The following YME1L1 variants were observed in gnomAD, a reference collection of about 807,000 sequenced individuals.
YME1L1 encodes the protein YME1 like 1 ATPase.
In YME1L1, 39 loss-of-function variants were observed where a neutral mutation model predicts 90.4. That is an observed-to-expected ratio of 0.43 (90% CI 0.33 to 0.56). The LOEUF is 0.56. Among genes scored for constraint, YME1L1 ranks in the 20% least tolerant of loss-of-function variants. The pLI, the probability that YME1L1 is intolerant of heterozygous loss-of-function variation, is 0.03. For missense variants in YME1L1, 617 were observed against 868.4 expected, an observed-to-expected ratio of 0.71 and a Z score of 3.64; for synonymous variants, 284 against 287.3, an observed-to-expected ratio of 0.99 and a Z score of 0.12.
At chr10:27,149,729 A>G (rs1357335802) in intron 1 of YME1L1, among the ~76,000 whole-genome samples, 1 of 147,564 alleles carries the variant, frequency 6.8e-6, no homozygotes, top group African/African-American at 2.5e-5. Flanking sequence ...AAAAAAAAAA[A>G]AAAAAAAGAA....
At chr10:27,119,925 TA>T (rs1243165617) in intron 13 of YME1L1, among the ~76,000 whole-genome samples, 1 of 152,206 alleles carries the variant, frequency 6.6e-6, no homozygotes, top group East Asian at 1.9e-4. Context: ...GGAAATACTT[TA>T]GACATAAAAG....
At position 27,134,910 on chromosome 10, in the gene YME1L1, A is replaced by G. The variant is rs2057011689; in HGVS notation, c.612T>C (p.Pro204=). ...LDKLMKTKNI[P]EAHQDAFKTG... ...TTTTAAATGCATCTTGGTGAGCTTC[A>G]GGTATATTTTTGGTTTTCATGAGTT... The change falls in exon 6 of 19, where the codon CCT becomes CCC. Residue 204 remains proline, a synonymous_variant. Transcript: ENST00000376016. 3 of 1,613,986 alleles carry G rather than the reference A, an allele frequency of 1.9e-6. No individual in the cohort carries two copies. Among genetic ancestry groups the G allele is most frequent in the Middle Eastern group, 1.7e-4 (1 of 5,966 alleles).
intron 17 of YME1L1, among the ~76,000 whole-genome samples, chr10:27,115,325 T>TC (rs1291504608): frequency 2.1e-5 from 3 of 142,232 alleles, no homozygotes; most frequent in African/African-American, 5.0e-5. Context: ...TTTAAAATCT[T>TC]TTTTTTTTTT....
At chr10:27,113,257 A>T (rs1588579219) in intron 18 of YME1L1, among the ~76,000 whole-genome samples, 1 of 97,038 alleles carries the variant, frequency 1.0e-5, no homozygotes, top group African/African-American at 4.1e-5. Flanking sequence ...AAAAAAAAAA[A>T]AAAAAAGACC....
rs191316515 is a variant in YME1L1 at position 27,129,155 on chromosome 10, A to C, written c.859-2369T>G. On this transcript the variant is annotated intron_variant, in intron 8 of 18. Coordinates refer to ENST00000376016, the MANE Select transcript of YME1L1 (RefSeq NM_014263.4). ...AGTGTGATATATTCAGTAAGTATGT[A>C]AGTACATTACAGACAGAGAATAACA... The C allele has an allele frequency of 2.9e-3, 439 of 151,216 alleles. 2 individuals are homozygous for C. The highest frequency in any genetic ancestry group is 0.01 in the African/African-American group (417 of 41,214). The allele number at this position is 151,216 out of a possible 1,614,324, so 9.4% of individuals were successfully genotyped here. A position where few individuals can be genotyped will look rare whatever the true frequency, so the allele number is the denominator to read the frequency against.
intron 4 of YME1L1, among the ~76,000 whole-genome samples, chr10:27,137,660 C>T (rs1209045116): frequency 6.6e-6 from 1 of 152,042 alleles, no homozygotes; most frequent in Non-Finnish European, 1.5e-5. Flanking sequence ...AATAACAGTA[C>T]CTTGTTTTAC....
At chr10:27,145,857 CT>C (rs34273028) in intron 2 of YME1L1, 47,872 of 188,744 alleles carry the variant, frequency 0.25, 5,217 homozygotes, top group East Asian at 0.52. Context: ...ATGAGAAAAA[CT>C]TTTTTTTTTT....
rs762679601 is a variant in YME1L1 at position 27,122,807 on chromosome 10, C to A, written c.1235+34G>T. 4 of 1,610,032 alleles carry A rather than the reference C, an allele frequency of 2.5e-6. No individual in the cohort carries two copies. In the South Asian group the frequency reaches 4.4e-5, roughly 18 times the overall value. ...ACGTATATCAAATGCTGGGAGGCAT[C>A]ACCATATTCTAAGAAAAAAGAAGAC... On this transcript the variant is annotated intron_variant, in intron 11 of 18. Coordinates refer to ENST00000376016, the MANE Select transcript of YME1L1 (RefSeq NM_014263.4).
rs1179905515 is a variant in YME1L1, at chr10:27,134,028, A to G, written c.775+11T>C. On this transcript the variant is annotated intron_variant, in intron 7 of 18. Coordinates refer to ENST00000376016, the MANE Select transcript of YME1L1 (RefSeq NM_014263.4). Reference sequence around the variant, plus strand: ...TAAGAAATAAGTTAGACAAATAAAAAAAGCTTTTACCAGATAAAAATGGGT... The same window carrying G: ...TAAGAAATAAGTTAGACAAATAAAAGAAGCTTTTACCAGATAAAAATGGGT... 2 of 1,580,940 alleles carry G rather than the reference A, an allele frequency of 1.3e-6. No homozygotes were observed. The highest frequency in any genetic ancestry group is 3.6e-5 in the Admixed American group (2 of 55,660).
Position 27,141,452 on chromosome 10 carries a change from T to C in YME1L1, c.430+935A>G, listed in dbSNP as rs183912695. On this transcript the variant is annotated intron_variant, in intron 4 of 18. Coordinates refer to ENST00000376016, the MANE Select transcript of YME1L1 (RefSeq NM_014263.4). The stretch of plus-strand genomic sequence containing the variant: ...TCCTCAACACTAGCAAAAGTAAATA[T>C]ACTTAGAATATAAAACATGGACTAT... 5.3e-5 allele frequency among the ~76,000 whole-genome samples: 8 copies of C among 152,272 alleles called. No individual in the cohort carries two copies. The East Asian group carries it at 1.5e-3, about 29-fold the overall frequency.
At chr10:27,116,633 T>A (rs2056816061) in intron 15 of YME1L1, among the ~76,000 whole-genome samples, 1 of 152,068 alleles carries the variant, frequency 6.6e-6, no homozygotes, top group Non-Finnish European at 1.5e-5. Context: ...GCCATTGCAC[T>A]CTAGCCTGGG....
chr10:27,118,264 C>T (rs189387748), intron 14 of YME1L1, among the ~76,000 whole-genome samples: 46 of 152,228 alleles, frequency 3.0e-4, no homozygotes, highest in African/African-American at 1.1e-3. Context: ...GCATGTGCCA[C>T]TGCACCTAGC....
chr10:27,151,170 C>T (rs1024224641), intron 1 of YME1L1, among the ~76,000 whole-genome samples: 1 of 152,082 alleles, frequency 6.6e-6, no homozygotes, highest in Non-Finnish European at 1.5e-5. Context: ...GATCCGCTCG[C>T]CTCTGCCTCC....
At chr10:27,142,929 ATG>A (rs1288802130) in intron 3 of YME1L1, among the ~76,000 whole-genome samples, 6 of 151,780 alleles carry the variant, frequency 4.0e-5, no homozygotes, top group Admixed American at 6.6e-5. Context: ...GTTAGCCAGG[ATG>A]TGGTCTTGAT....
chr10:27,140,512 C>T (rs906412528), intron 4 of YME1L1, among the ~76,000 whole-genome samples: 1 of 152,108 alleles, frequency 6.6e-6, no homozygotes, highest in Non-Finnish European at 1.5e-5. Context: ...CGGAGTCTCG[C>T]TCTGTTGCCA....
Position 27,145,616 on chromosome 10 carries a change from A to G in YME1L1, c.169-26T>C, listed in dbSNP as rs759974895. On this transcript the variant is annotated intron_variant, in intron 2 of 18. Coordinates refer to ENST00000376016, the MANE Select transcript of YME1L1 (RefSeq NM_014263.4). ...CTGTAAAAGATTGGGTCAACCAGGT[A>G]TGCATTAATATTATCAAGATATTTA... 3.2e-5 allele frequency: 50 copies of G among 1,570,826 alleles called. No individual in the cohort carries two copies. The Admixed American group carries it at 4.0e-4, about 13-fold the overall frequency.
intron 13 of YME1L1, among the ~76,000 whole-genome samples, chr10:27,120,208 C>G (rs2056852747): frequency 6.6e-6 from 1 of 151,806 alleles, no homozygotes; most frequent in Admixed American, 6.6e-5. Flanking sequence ...TATTATCTGT[C>G]TGAATACTCT....
At chr10:27,141,710 C>A (rs1270523570) in intron 4 of YME1L1, among the ~76,000 whole-genome samples, 2 of 151,982 alleles carry the variant, frequency 1.3e-5, no homozygotes, top group South Asian at 4.1e-4. Context: ...CATATCTGCA[C>A]TGTGATTGGC....
At chr10:27,133,929 G>A in intron 7 of YME1L1, 110 bp downstream of exon 7, 1 of 739,250 alleles carries the variant, frequency 1.4e-6, no homozygotes, top group Non-Finnish European at 2.2e-6. Context: ...CCTAATTCTA[G>A]TACTGTAAAC....
Sources: allele counts gnomAD v4.1 joint callset (sites outside exome capture counted in the v4.1 genomes callset), GRCh38; gene constraint gnomAD v4.1.1; transcripts MANE v1.5; gene names NCBI Gene and HGNC (gene_info 2026-07-23, HGNC 2026-07-21).